The following MSRA variants were observed in gnomAD, a reference collection of about 807,000 sequenced individuals.
MSRA encodes mitochondrial peptide methionine sulfoxide reductase.
In MSRA, 54 loss-of-function variants were observed where a neutral mutation model predicts 31.3. That is an observed-to-expected ratio of 1.73 (90% CI 1.39 to 2.17). The LOEUF (loss-of-function observed/expected upper bound fraction) is 2.17. Ranked by LOEUF, MSRA falls within the 30% of genes most tolerant of loss-of-function variation. The probability of loss-of-function intolerance (pLI) is 0.00; values close to 1 mark genes in which losing one functional copy is unlikely to be tolerated. For synonymous variants in MSRA, 169 were observed against 116.5 expected, an observed-to-expected ratio of 1.45 and a Z score of -2.90; for missense variants, 507 against 300.9, an observed-to-expected ratio of 1.69 and a Z score of -5.07.
chr8:10,366,446 G>A (rs1372527784), intron 5 of MSRA, among the ~76,000 whole-genome samples: 3 of 152,246 alleles, frequency 2.0e-5, no homozygotes, highest in Admixed American at 6.5e-5. Context: ...TCTTTGAGCC[G>A]GCAGTGGGGA....
At chr8:10,331,272 G>C (rs980532715) in intron 5 of MSRA, among the ~76,000 whole-genome samples, 1 of 152,214 alleles carries the variant, frequency 6.6e-6, no homozygotes, top group Non-Finnish European at 1.5e-5. Context: ...TCCATGGAGC[G>C]GGGGCAGAGC....
At chr8:10,176,872 C>G (rs988061338) in intron 1 of MSRA, among the ~76,000 whole-genome samples, 5 of 152,162 alleles carry the variant, frequency 3.3e-5, no homozygotes, top group African/African-American at 1.2e-4. Flanking sequence ...GAGTTATTTT[C>G]AATAACCTGT....
intron 1 of MSRA, among the ~76,000 whole-genome samples, chr8:10,176,530 C>T (rs1033508158): frequency 2.6e-5 from 4 of 152,188 alleles, no homozygotes; most frequent in African/African-American, 2.4e-5. Flanking sequence ...TGGTAGGGTC[C>T]AGGGCTGAAT....
chr8:10,278,320 G>C (rs1319519320), intron 3 of MSRA, among the ~76,000 whole-genome samples: 1 of 152,190 alleles, frequency 6.6e-6, no homozygotes. Flanking sequence ...ACCTGGTTCT[G>C]TCACTGTGGA....
intron 2 of MSRA, among the ~76,000 whole-genome samples, chr8:10,239,180 T>A (rs1052021385): frequency 2.0e-5 from 3 of 152,012 alleles, no homozygotes; most frequent in Admixed American, 6.6e-5. Context: ...TTTTTTTTTT[T>A]AAGATGGAGT....
chr8:10,245,127 G>C lies in MSRA; in HGVS notation c.235G>C (p.Glu79Gln), dbSNP rs765907676. 9 of 1,613,050 alleles carry C rather than the reference G, an allele frequency of 5.6e-6. No individual in the cohort carries two copies. Among genetic ancestry groups the C allele is most frequent in the Non-Finnish European group, 7.6e-6 (9 of 1,179,742 alleles). ...VFGMGCFWGA[E>Q]RKFWVLKGVY... Reference sequence around the variant, plus strand: ...AGGAATGGGATGTTTCTGGGGAGCTGAAAGGAAATTCTGGGTCTTGAAAGG... The same window carrying C: ...AGGAATGGGATGTTTCTGGGGAGCTCAAAGGAAATTCTGGGTCTTGAAAGG... The change falls in exon 3 of 6, where the codon GAA becomes CAA. Residue 79 changes from glutamate (E) to glutamine (Q), a missense_variant. By Grantham distance (29) the Glu-to-Gln change is conservative (BLOSUM62 2). Transcript: ENST00000317173.
intron 1 of MSRA, among the ~76,000 whole-genome samples, chr8:10,062,780 C>G (rs1233588226): frequency 6.6e-6 from 1 of 152,130 alleles, no homozygotes; most frequent in Admixed American, 6.5e-5. Context: ...GATGGAATTT[C>G]TGCAGCCAGA....
intron 1 of MSRA, among the ~76,000 whole-genome samples, chr8:10,126,413 T>G (rs1207772447): frequency 6.6e-6 from 1 of 152,146 alleles, no homozygotes; most frequent in Non-Finnish European, 1.5e-5. Context: ...CAGGGACTGG[T>G]TTCATGGAAG....
At chr8:10,326,887 G>A (rs1389764376) in intron 5 of MSRA, among the ~76,000 whole-genome samples, 3 of 152,102 alleles carry the variant, frequency 2.0e-5, no homozygotes, top group South Asian at 2.1e-4. Context: ...GGTGGTTCAC[G>A]TGTAATTCTT....
At chr8:10,391,823 T>C (rs889785664) in intron 5 of MSRA, among the ~76,000 whole-genome samples, 3 of 152,208 alleles carry the variant, frequency 2.0e-5, no homozygotes, top group Non-Finnish European at 2.9e-5. Flanking sequence ...GAATTATGAG[T>C]GAGCAGACGG....
intron 3 of MSRA, among the ~76,000 whole-genome samples, chr8:10,254,703 G>GA (rs1388572537): frequency 6.6e-6 from 1 of 152,310 alleles, no homozygotes; most frequent in East Asian, 1.9e-4. Flanking sequence ...TGGTGGGATT[G>GA]AAAATAAAAC....
rs139671770 is a variant in MSRA at position 10,258,553 on chromosome 8, G to A, written c.331+13330G>A. 2.0e-3 allele frequency among the ~76,000 whole-genome samples: 298 copies of A among 152,278 alleles called. 1 individual carries two copies. Among genetic ancestry groups the A allele is most frequent in the African/African-American group, 6.4e-3 (268 of 41,552 alleles). Reference sequence around the variant, plus strand: ...CACATCCCCTCATGCGTTAAATAAGGCCGTGTCTGAGGATCCCACTGGAAA... The same window carrying A: ...CACATCCCCTCATGCGTTAAATAAGACCGTGTCTGAGGATCCCACTGGAAA... On this transcript the variant is annotated intron_variant, in intron 3 of 5. Transcript: ENST00000317173.
intron 5 of MSRA, among the ~76,000 whole-genome samples, chr8:10,398,921 G>A (rs1807270618): frequency 6.6e-6 from 1 of 152,212 alleles, no homozygotes; most frequent in Non-Finnish European, 1.5e-5. Context: ...CAGCTTCCTG[G>A]CAGAAGCCCC....
chr8:10,313,496 CA>C (rs989009076), intron 4 of MSRA, among the ~76,000 whole-genome samples: 31 of 147,396 alleles, frequency 2.1e-4, no homozygotes, highest in African/African-American at 6.7e-4. Context: ...AACAAACAAA[CA>C]AAAAAAAACA....
chr8:10,236,335 C>G (rs992423334), intron 2 of MSRA, among the ~76,000 whole-genome samples: 1 of 152,118 alleles, frequency 6.6e-6, no homozygotes, highest in African/African-American at 2.4e-5. Context: ...CAGAATATAA[C>G]TTTCTGTATA....
At chr8:10,076,590 G>T (rs1216530133) in intron 1 of MSRA, among the ~76,000 whole-genome samples, 1 of 152,160 alleles carries the variant, frequency 6.6e-6, no homozygotes, top group African/African-American at 2.4e-5. Context: ...AGGCAGTGTT[G>T]TTCCTGATTG....
At chr8:10,354,750 G>GTATATATATATATATATA (rs754778002) in intron 5 of MSRA, among the ~76,000 whole-genome samples, 3 of 138,404 alleles carry the variant, frequency 2.2e-5, no homozygotes, top group African/African-American at 5.5e-5. Context: ...GTGTGTGTGT[G>GTATATATATATATATATA]TATATATATA....
At chr8:10,329,249 G>A (rs866517769) in intron 5 of MSRA, among the ~76,000 whole-genome samples, 1 of 152,202 alleles carries the variant, frequency 6.6e-6, no homozygotes, top group African/African-American at 2.4e-5. Context: ...GAAGCCCAAA[G>A]TCAATTTCCC....
At chr8:10,392,538 C>G (rs12541491) in intron 5 of MSRA, among the ~76,000 whole-genome samples, 40 of 152,016 alleles carry the variant, frequency 2.6e-4, no homozygotes, top group African/African-American at 9.2e-4. Flanking sequence ...GGGATCTGGC[C>G]GATGATGCTC....
Sources: gnomAD v4.1 joint callset for allele counts (sites outside exome capture counted in the v4.1 genomes callset) on GRCh38, gnomAD v4.1.1 for gene constraint, MANE v1.5 for transcripts, NCBI Gene and HGNC (gene_info 2026-07-23, HGNC 2026-07-21) for gene names.